The following PIGQ variants were observed in gnomAD, a reference collection of about 807,000 sequenced individuals.
PIGQ encodes phosphatidylinositol glycan anchor biosynthesis class Q.
A neutral mutation model predicts 60.3 loss-of-function variants in PIGQ; 54 were observed. The observed-to-expected ratio is 0.90, with a 90% CI of 0.72 to 1.12. The LOEUF (loss-of-function observed/expected upper bound fraction) is 1.12. PIGQ is among the 50% of genes most tolerant of loss of function. PIGQ has a pLI of 0.00. For synonymous variants in PIGQ, 416 were observed against 363.7 expected (o/e 1.14, Z -1.64); for missense variants, 799 against 793.5 (o/e 1.01, Z -0.08).
At chr16:571,760 G>A (rs1596380977) in intron 1 of PIGQ, among the ~76,000 whole-genome samples, 1 of 152,014 alleles carries the variant, frequency 6.6e-6, no homozygotes, top group African/African-American at 2.4e-5. Context: ...AGGCTTCTTT[G>A]TGCCGCCGAC....
At chr16:571,103 G>A (rs72481027) in intron 1 of PIGQ, among the ~76,000 whole-genome samples, 1 of 46,940 alleles carries the variant, frequency 2.1e-5, no homozygotes, top group Non-Finnish European at 4.3e-5. Context: ...GTGTGTGTGT[G>A]TGTGTCTGGC....
At chr16:572,818 C>T (rs2035656635) in intron 1 of PIGQ, among the ~76,000 whole-genome samples, 1 of 152,218 alleles carries the variant, frequency 6.6e-6, no homozygotes, top group Non-Finnish European at 1.5e-5. Context: ...CTCCAGGCGT[C>T]CCGCTCTGTT....
intron 8 of PIGQ, 63 bp downstream of exon 8, chr16:580,326 G>A (rs2035791834): frequency 5.3e-6 from 7 of 1,310,302 alleles, no homozygotes; most frequent in South Asian, 3.9e-5. Context: ...TGCCAGCGCT[G>A]CCTGGGAGCA....
At chr16:580,141 C>G in intron 7 of PIGQ, 42 bp from the exon 8 acceptor site, 4 of 1,530,196 alleles carry the variant, frequency 2.6e-6, no homozygotes, top group Non-Finnish European at 3.6e-6. Flanking sequence ...TCCCTGGGCG[C>G]GGGGTCCTGC....
chr16:583,274 G>A lies in PIGQ; in HGVS notation c.*239G>A, dbSNP rs759672663. 24 of 1,612,700 alleles carry A rather than the reference G, an allele frequency of 1.5e-5. No individual in the cohort carries two copies. The highest frequency in any genetic ancestry group is 1.8e-5 in the Non-Finnish European group (21 of 1,179,948). Reference sequence around the variant, plus strand: ...ACTGGCACTGCCTGCCTTGGGACCCGCTTCCCACCTGCTGCGGTCACCATG... The same window carrying A: ...ACTGGCACTGCCTGCCTTGGGACCCACTTCCCACCTGCTGCGGTCACCATG... On this transcript the variant is annotated 3_prime_UTR_variant, in exon 11 of 11. Transcript: ENST00000321878.
intron 1 of PIGQ, among the ~76,000 whole-genome samples, chr16:571,414 C>T (rs1317968505): frequency 2.1e-4 from 8 of 38,054 alleles, no homozygotes; most frequent in Non-Finnish European, 4.0e-4. Flanking sequence ...GTCTGGCTAG[C>T]CTGTGTGTGT....
At position 583,079 on chromosome 16, in the gene PIGQ, G is replaced by A. The variant is rs952807549; in HGVS notation, c.*44G>A. 2.8e-5 allele frequency: 45 copies of A among 1,613,014 alleles called. No individual in the cohort carries two copies. The highest frequency in any genetic ancestry group is 3.5e-5 in the Non-Finnish European group (41 of 1,179,996). On this transcript the variant is annotated 3_prime_UTR_variant, in exon 11 of 11. Transcript: ENST00000321878. Reference sequence around the variant, plus strand: ...TGGCACCACCACACGGCCACAGCCAGCCATCTGCTCTGCCAGGGTGGCACC... The same window carrying A: ...TGGCACCACCACACGGCCACAGCCAACCATCTGCTCTGCCAGGGTGGCACC...
In PIGQ at chr16:583,650, G is replaced by A. The variant is rs779059722; in HGVS notation, c.*615G>A. The A allele has an allele frequency of 8.1e-6, 13 of 1,611,998 alleles. No individual in the cohort carries two copies. The highest frequency in any genetic ancestry group is 1.1e-5 in the South Asian group (1 of 91,078). On this transcript the variant is annotated 3_prime_UTR_variant, in exon 11 of 11. Coordinates refer to ENST00000321878, the MANE Select transcript of PIGQ (RefSeq NM_004204.5). The stretch of plus-strand genomic sequence containing the variant: ...CGCTTTGTGAAGAAACCATCAGCAG[G>A]CTGTGAGCATCGCCAGGCTGCTGTG...
At chr16:578,146 G>A (rs1324830040) in intron 4 of PIGQ, 2 of 487,220 alleles carry the variant, frequency 4.1e-6, no homozygotes, top group Non-Finnish European at 7.4e-6. Context: ...ATGCCCTGTG[G>A]GCCCGGCCAT....
Position 583,139 on chromosome 16 carries a change from G to A in PIGQ, c.*104G>A, listed in dbSNP as rs150021665. On this transcript the variant is annotated 3_prime_UTR_variant, in exon 11 of 11. Transcript: ENST00000321878. ...GGCGCATGTCCTGTGCTTTGTGGAC[G>A]CTGCTGTGTGCTCCTGAACACGGCA... 54 of 1,613,276 alleles carry A rather than the reference G, an allele frequency of 3.3e-5. No individual in the cohort carries two copies. The highest frequency in any genetic ancestry group is 3.2e-4 in the South Asian group (29 of 91,092).
Position 574,658 on chromosome 16 carries a change from G to T in PIGQ, c.584G>T (p.Gly195Val), listed in dbSNP as rs775715297. ...CGGCTGAGCCACTGGCAGTCGGAGG[G>T]CGTGGAGGCCAGCATCCTCGCGGAG... ...PVRLSHWQSE[G>V]VEASILAELA... The change falls in exon 2 of 11, where the codon GGC (glycine) becomes GTC (valine). Residue 195 changes from glycine (G) to valine (V), a missense_variant. By Grantham distance (109) the Gly-to-Val change is moderately radical. Transcript: ENST00000321878. The T allele has an allele frequency of 2.5e-6, 4 of 1,608,096 alleles. No individual in the cohort carries two copies. Among genetic ancestry groups the T allele is most frequent in the South Asian group, 2.2e-5 (2 of 90,508 alleles).
intron 1 of PIGQ, chr16:572,565 A>C (rs12917944): frequency 2.2e-6 from 1 of 455,356 alleles, no homozygotes; most frequent in Non-Finnish European, 4.4e-6. Flanking sequence ...CCTCGTCCCT[A>C]AGGATGTGGT....
intron 9 of PIGQ, 59 bp from the exon 10 acceptor site, chr16:582,184 CCTCTG>C (rs1421333221): frequency 1.7e-6 from 2 of 1,192,598 alleles, no homozygotes; most frequent in Admixed American, 3.9e-5. Context: ...GTACCTGCAG[CCTCTG>C]CTCATGTGTG....
At position 582,262 on chromosome 16, in the gene PIGQ, C is replaced by T. The variant is rs144613953; in HGVS notation, c.1546C>T (p.Arg516Cys). The T allele has an allele frequency of 3.4e-5, 55 of 1,606,902 alleles. No homozygotes were observed. The Admixed American group carries it at 3.5e-4, about 10-fold the overall frequency. The change falls in exon 10 of 11, where the codon CGT (arginine) becomes TGT (cysteine). Residue 516 changes from arginine (R) to cysteine (C), a missense_variant. Arg to Cys is a radical substitution (Grantham distance 180). Transcript: ENST00000321878. ...TATCCTTGCAGCTGGCGTGAAGTTC[C>T]GTGTCCTCCGGCACGAGGCCGGCAG... The part of the protein sequence containing the change: ...PYRLAAGVKF[R>C]VLRHEAGRPL...
At chr16:579,389 G>T in intron 7 of PIGQ, 1 of 590,958 alleles carries the variant, frequency 1.7e-6, no homozygotes, top group Non-Finnish European at 3.0e-6. Flanking sequence ...ACAGAGAAGA[G>T]ACAGACACAC....
chr16:582,855 C>T (rs1159183592), intron 10 of PIGQ, 28 bp from the exon 11 acceptor site: 3 of 1,572,354 alleles, frequency 1.9e-6, no homozygotes, highest in Non-Finnish European at 2.6e-6. Flanking sequence ...TCAGACCACC[C>T]CACTGACCGC....
intron 7 of PIGQ, 112 bp downstream of exon 7, chr16:579,292 G>A (rs991040378): frequency 1.4e-5 from 11 of 786,696 alleles, no homozygotes; most frequent in Admixed American, 1.3e-4. Context: ...TCCTGCAGCT[G>A]AGGCCGCGCA....
intron 2 of PIGQ, among the ~76,000 whole-genome samples, chr16:575,443 T>C (rs770676734): frequency 3.3e-5 from 5 of 151,880 alleles, no homozygotes; most frequent in Non-Finnish European, 7.4e-5. Flanking sequence ...GACCCGGGGG[T>C]GCATACTCTG....
chr16:579,887 C>T, intron 7 of PIGQ: 2 of 289,520 alleles, frequency 6.9e-6, no homozygotes, highest in Admixed American at 5.2e-5. Context: ...GTCTGCTGCT[C>T]ACACTTGCCG....
Sources: allele counts gnomAD v4.1 joint callset (sites outside exome capture counted in the v4.1 genomes callset), GRCh38; gene constraint gnomAD v4.1.1; transcripts MANE v1.5; gene names NCBI Gene and HGNC (gene_info 2026-07-23, HGNC 2026-07-21).